The following FOXD4L1 variants were observed in gnomAD, a reference collection of about 807,000 sequenced individuals.
FOXD4L1 encodes the protein forkhead box protein D4-like 1.
A neutral mutation model predicts 24.8 loss-of-function variants in FOXD4L1; 10 were observed. The ratio of observed to expected loss-of-function variants is 0.40; its 90% CI spans 0.25 to 0.68. FOXD4L1 has a LOEUF of 0.68. Among genes scored for constraint, FOXD4L1 ranks in the 30% least tolerant of loss-of-function variants. The probability of loss-of-function intolerance (pLI) is 0.37; values close to 1 mark genes in which losing one functional copy is unlikely to be tolerated. For synonymous variants in FOXD4L1, 159 were observed against 256.4 expected (o/e 0.62, Z 3.63); for missense variants, 364 against 572.4 (o/e 0.64, Z 3.72).
exon 1 of FOXD4L1, chr2:113,500,784 T>G (rs1176180613): frequency 1.4e-6 from 1 of 720,962 alleles, no homozygotes; most frequent in Non-Finnish European, 2.1e-6. Context: ...AGTCATCTTT[T>G]CTTGCCTTCG....
At chr2:113,500,143 C>A (rs1277022233) in exon 1 of FOXD4L1, 1 of 1,518,596 alleles carries the variant, frequency 6.6e-7, no homozygotes, top group Non-Finnish European at 8.9e-7. Context: ...GGCACCCTTC[C>A]CGTGCTGCAG....
At chr2:113,500,262 G>T in exon 1 of FOXD4L1, 1 of 1,551,672 alleles carries the variant, frequency 6.4e-7, no homozygotes, top group South Asian at 1.1e-5. Flanking sequence ...GGTCAGGGGA[G>T]CGGGTACAGG....
rs1426371237 is a variant in FOXD4L1, at chr2:113,500,124, G to A, written c.868G>A (p.Ala290Thr). The change falls in exon 1 of 1, where the codon GCG becomes ACG. Residue 290 changes from alanine to threonine, a missense_variant. Coordinates refer to ENST00000306507, the Ensembl canonical transcript of FOXD4L1. Reference sequence around the variant, plus strand: ...GAAGAAAGCAGAAGGCGCGGACCTGGCGACCCCCGGCACCCTTCCCGTGCT... The same window carrying A: ...GAAGAAAGCAGAAGGCGCGGACCTGACGACCCCCGGCACCCTTCCCGTGCT... 1.6e-5 allele frequency: 25 copies of A among 1,517,872 alleles called. 6 individuals carry two copies. Among genetic ancestry groups the A allele is most frequent in the Non-Finnish European group, 2.0e-5 (23 of 1,129,064 alleles). The allele number at this position is 1,517,872 out of a possible 1,614,324, so 94.0% of individuals were successfully genotyped here.
rs1682418308 is a variant in FOXD4L1, at chr2:113,500,265, G to A, written c.1009G>A (p.Gly337Ser). Reference sequence around the variant, plus strand: ...TATCATGCAAGGGGTCAGGGGAGCGGGTACAGGGGCTGCGCAGAGTTTGTC... The same window carrying A: ...TATCATGCAAGGGGTCAGGGGAGCGAGTACAGGGGCTGCGCAGAGTTTGTC... The change falls in exon 1 of 1, where the codon GGT becomes AGT. Residue 337 changes from glycine to serine, a missense_variant. By Grantham distance (56) the Gly-to-Ser change is moderately conservative. Coordinates refer to ENST00000306507, the Ensembl canonical transcript of FOXD4L1. 7.1e-6 allele frequency: 11 copies of A among 1,550,672 alleles called. 1 individual carries two copies. Among genetic ancestry groups the A allele is most frequent in the Non-Finnish European group, 9.6e-6 (11 of 1,147,072 alleles).
exon 1 of FOXD4L1, chr2:113,499,253 C>A (rs1173208153): frequency 6.2e-7 from 1 of 1,611,554 alleles, no homozygotes; most frequent in African/African-American, 1.3e-5. Flanking sequence ...GCACCTGCTC[C>A]GCCATGAACC....
In FOXD4L1 at chr2:113,500,340, T is replaced by C. The variant is rs1357837456; in HGVS notation, c.1084T>C (p.Ser362Pro). ...CCTGCTCCAGCGACCGTCAAGCCTG[T>C]CGGACAATTTTGCAGCAACAGCAGC... The change falls in exon 1 of 1, where the codon TCG becomes CCG. Residue 362 changes from serine to proline, a missense_variant. Transcript: ENST00000306507. The C allele has an allele frequency of 1.3e-6, 2 of 1,519,868 alleles. 1 individual carries two copies. The highest frequency in any genetic ancestry group is 1.8e-6 in the Non-Finnish European group (2 of 1,126,640). The allele number at this position is 1,519,868 out of a possible 1,614,324, so 94.1% of individuals were successfully genotyped here. A position where few individuals can be genotyped will look rare whatever the true frequency, so the allele number is the denominator to read the frequency against.
At chr2:113,499,295 G>A (rs757764018) in exon 1 of FOXD4L1, 2 of 1,604,004 alleles carry the variant, frequency 1.2e-6, no homozygotes, top group Admixed American at 1.7e-5. Flanking sequence ...GCTCCACACC[G>A]CAGCGCAGCC....
rs757405427 is a variant in FOXD4L1 at position 113,499,842 on chromosome 2, T to C, written c.586T>C (p.Phe196Leu). 3.8e-6 allele frequency: 6 copies of C among 1,566,466 alleles called. No individual in the cohort carries two copies. The South Asian group carries it at 5.6e-5, about 15-fold the overall frequency. ...CCAGGACATGTTCGACAATGGCAGC[T>C]TTCTCCGGCGTAGGAAGCGTTTCAA... Residue 196 changes from phenylalanine to leucine, a missense_variant, in exon 1 of 1, where the codon TTT (phenylalanine) becomes CTT (leucine). Transcript: ENST00000306507.
At chr2:113,499,235 C>T in exon 1 of FOXD4L1, 2 of 1,611,748 alleles carry the variant, frequency 1.2e-6, no homozygotes, top group Non-Finnish European at 1.7e-6. Context: ...ACATCCCCTG[C>T]GACTGAAGCA....
At chr2:113,500,452 C>T (rs1365914330) in exon 1 of FOXD4L1, 1 of 1,518,520 alleles carries the variant, frequency 6.6e-7, no homozygotes, top group Non-Finnish European at 8.9e-7. Flanking sequence ...GTCGGCGCTG[C>T]TGCGGTATCA....
chr2:113,500,513 G>C lies in FOXD4L1; in HGVS notation c.*30G>C, dbSNP rs772565502. ...ACATCGCTGGCTGCCCCTTTGGGCG[G>C]AGAGGGGACCTCACCAGTTTTTTTA... On this transcript the variant is annotated 3_prime_UTR_variant, in exon 1 of 1. Coordinates refer to ENST00000306507, the Ensembl canonical transcript of FOXD4L1. 2.6e-6 allele frequency: 4 copies of C among 1,515,202 alleles called. 1 individual carries two copies. Among genetic ancestry groups the C allele is most frequent in the Non-Finnish European group, 3.6e-6 (4 of 1,123,948 alleles). 93.9% of individuals were successfully genotyped at this position (1,515,202 alleles called of 1,614,324 possible).
At chr2:113,500,466 G>C (rs754850669) in exon 1 of FOXD4L1, 1 of 1,518,280 alleles carries the variant, frequency 6.6e-7, no homozygotes, top group Admixed American at 2.0e-5. Flanking sequence ...GGTATCAGGC[G>C]GTGGCAGAGG....
At chr2:113,499,582 C>T (rs778495606) in exon 1 of FOXD4L1, 9 of 1,610,358 alleles carry the variant, frequency 5.6e-6, no homozygotes, top group Admixed American at 3.4e-5. Flanking sequence ...GCAAAGCCCC[C>T]CTACTCGTAC....
chr2:113,499,963 T>A, exon 1 of FOXD4L1: 2 of 1,531,798 alleles, frequency 1.3e-6, no homozygotes, highest in Non-Finnish European at 1.8e-6. Flanking sequence ...GGCCCTCTGC[T>A]TGGGGCCCCT....
At position 113,500,263 on chromosome 2, in the gene FOXD4L1, C is replaced by A. The variant is rs1471952614; in HGVS notation, c.1007C>A (p.Ala336Glu). The A allele has an allele frequency of 2.5e-5, 38 of 1,550,940 alleles. No individual in the cohort carries two copies. The highest frequency in any genetic ancestry group is 3.2e-5 in the Non-Finnish European group (37 of 1,147,398). The change falls in exon 1 of 1, where the codon GCG (alanine) becomes GAG (glutamate). Residue 336 changes from alanine to glutamate, a missense_variant. Transcript: ENST00000306507. Reference sequence around the variant, plus strand: ...AGTATCATGCAAGGGGTCAGGGGAGCGGGTACAGGGGCTGCGCAGAGTTTG... The same window carrying A: ...AGTATCATGCAAGGGGTCAGGGGAGAGGGTACAGGGGCTGCGCAGAGTTTG...
exon 1 of FOXD4L1, chr2:113,499,988 A>G: frequency 1.3e-6 from 2 of 1,573,238 alleles, no homozygotes; most frequent in Admixed American, 1.8e-5. Context: ...TGCCGCAGCC[A>G]GTCCCGGGGG....
Position 113,499,929 on chromosome 2 carries a change from GCCGCCCTGCACAACCC to G in FOXD4L1, c.680_695del (p.Leu227GlnfsTer212). The G allele has an allele frequency of 6.4e-7, 1 of 1,553,988 alleles. No individual in the cohort carries two copies. The highest frequency in any genetic ancestry group is 2.4e-5 in the East Asian group (1 of 41,814). On this transcript the variant is annotated frameshift_variant, in exon 1 of 1. Coordinates refer to ENST00000306507, the Ensembl canonical transcript of FOXD4L1. LOFTEE classifies it high-confidence loss of function. ...CCCCTTCCCTCTACCTGCTGCACAC[GCCGCCCTGCACAACCC>G]CCGCCCAGGCCCTCTGCTTGGGGCC...
chr2:113,499,613 C>G lies in FOXD4L1; in HGVS notation c.357C>G (p.Ala119=), dbSNP rs748297176. ...CGTACATCGCGCTCATCACCATGGC[C>G]ATCCTGCAAAGCCCGCACAAGCGCC... The change falls in exon 1 of 1, where the codon GCC becomes GCG. Residue 119 remains alanine (A), a synonymous_variant. Transcript: ENST00000306507. 4 of 1,612,120 alleles carry G rather than the reference C, an allele frequency of 2.5e-6. No homozygotes were observed. In the Admixed American group the frequency reaches 5.0e-5, roughly 20 times the overall value.
exon 1 of FOXD4L1, chr2:113,499,624 G>T (rs2441582): frequency 6.2e-7 from 1 of 1,612,246 alleles, no homozygotes; most frequent in Non-Finnish European, 8.5e-7. Flanking sequence ...ATCCTGCAAA[G>T]CCCGCACAAG....
Sources: allele counts gnomAD v4.1 joint callset, GRCh38; gene constraint gnomAD v4.1.1; transcripts MANE v1.5; gene names NCBI Gene and HGNC (gene_info 2026-07-23, HGNC 2026-07-21).